TMEM135: variants seen among roughly 807,000 people sequenced by gnomAD.
TMEM135 encodes the protein transmembrane protein 135.
A neutral mutation model predicts 60.3 loss-of-function variants in TMEM135; 30 were observed. The ratio of observed to expected loss-of-function variants is 0.50; its 90% confidence interval spans 0.37 to 0.68. The LOEUF (loss-of-function observed/expected upper bound fraction) is 0.68, where lower values mean the gene tolerates loss of function less well. TMEM135 is among the 30% of genes least tolerant of loss of function. The pLI is 0.00. For missense variants in TMEM135, 468 were observed against 548.8 expected (o/e 0.85, Z 1.47); for synonymous variants, 190 against 186.7 (o/e 1.02, Z -0.14).
chr11:87,249,379 G>C (rs1321770714), intron 6 of TMEM135, among the ~76,000 whole-genome samples: 1 of 151,982 alleles, frequency 6.6e-6, no homozygotes, highest in Non-Finnish European at 1.5e-5. Context: ...TAGTTTATAT[G>C]ATGTATCACA....
At chr11:87,132,779 A>C (rs1673491311) in intron 4 of TMEM135, among the ~76,000 whole-genome samples, 1 of 152,034 alleles carries the variant, frequency 6.6e-6, no homozygotes, top group Non-Finnish European at 1.5e-5. Context: ...GGATGCTGGA[A>C]TTTGCAGATT....
intron 3 of TMEM135, among the ~76,000 whole-genome samples, chr11:87,085,716 C>T (rs751998302): frequency 2.2e-4 from 34 of 152,172 alleles, no homozygotes; most frequent in Non-Finnish European, 3.2e-4. Context: ...AAGATTGAAC[C>T]GCTGCACTCC....
chr11:87,103,345 T>C (rs956482244), intron 4 of TMEM135, among the ~76,000 whole-genome samples: 12 of 152,172 alleles, frequency 7.9e-5, no homozygotes, highest in African/African-American at 2.9e-4. Context: ...TTGCCAACAC[T>C]TTGTTATCTT....
chr11:87,299,846 A>C (rs1040028047), intron 7 of TMEM135, among the ~76,000 whole-genome samples: 2 of 152,240 alleles, frequency 1.3e-5, no homozygotes, highest in African/African-American at 4.8e-5. Context: ...GGAAATTTGC[A>C]CAAAATTACT....
intron 4 of TMEM135, among the ~76,000 whole-genome samples, chr11:87,138,391 C>G (rs12282966): frequency 0.13 from 19,516 of 152,064 alleles, 1,327 homozygotes; most frequent in Middle Eastern, 0.15. Flanking sequence ...GCGCCCAGCT[C>G]CAAATTGATT....
At chr11:87,252,770 T>C (rs1367421511) in intron 6 of TMEM135, among the ~76,000 whole-genome samples, 1 of 102,918 alleles carries the variant, frequency 9.7e-6, no homozygotes, top group Non-Finnish European at 2.0e-5. Flanking sequence ...GAACTAAATC[T>C]CAAAAAAAAA....
intron 6 of TMEM135, among the ~76,000 whole-genome samples, chr11:87,287,811 T>C (rs1942195324): frequency 6.6e-6 from 1 of 152,214 alleles, no homozygotes; most frequent in Non-Finnish European, 1.5e-5. Flanking sequence ...CAGATAGTTG[T>C]TTTGTGCCTC....
chr11:87,205,333 A>G (rs140624838), intron 5 of TMEM135, among the ~76,000 whole-genome samples: 2 of 152,330 alleles, frequency 1.3e-5, no homozygotes, highest in African/African-American at 4.8e-5. Context: ...GTAGGCAATA[A>G]GGAGCTACTG....
rs781264620 is a variant in TMEM135, at chr11:87,323,328, C to A, written c.*1995C>A. The stretch of plus-strand genomic sequence containing the variant: ...ATGAATGTATAGGTTGAGTGAATAA[C>A]CAATTTGCAGTGGTGGATTGAGAAG... On this transcript the variant is annotated 3_prime_UTR_variant, in exon 15 of 15. Transcript: ENST00000305494. 2.9e-5 allele frequency: 13 copies of A among 453,744 alleles called. No homozygotes were observed. Among genetic ancestry groups the A allele is most frequent in the South Asian group, 6.2e-5 (4 of 64,460 alleles). 28.1% of individuals were successfully genotyped at this position (453,744 alleles called of 1,614,324 possible).
At chr11:87,189,726 T>A (rs369419266) in intron 5 of TMEM135, among the ~76,000 whole-genome samples, 3 of 146,922 alleles carry the variant, frequency 2.0e-5, no homozygotes, top group African/African-American at 7.6e-5. Flanking sequence ...GAGACTAGCC[T>A]GGGCTCAACA....
chr11:87,322,878 T>A lies in TMEM135; in HGVS notation c.*1545T>A, dbSNP rs796118260. 68 of 454,446 alleles carry A rather than the reference T, an allele frequency of 1.5e-4. No individual in the cohort carries two copies. Among genetic ancestry groups the A allele is most frequent in the African/African-American group, 1.3e-3 (64 of 50,114 alleles). The allele number at this position is 454,446 out of a possible 1,614,324, so 28.2% of individuals were successfully genotyped here. On this transcript the variant is annotated 3_prime_UTR_variant, in exon 15 of 15. Coordinates refer to ENST00000305494, the MANE Select transcript of TMEM135 (RefSeq NM_022918.4). ...GATTAGCTTTGTAGAACTGACCTGT[T>A]TATTTGGCAATGCTGTTAAAGGATC...
intron 6 of TMEM135, among the ~76,000 whole-genome samples, chr11:87,281,952 G>A (rs1249301981): frequency 6.6e-6 from 1 of 152,150 alleles, no homozygotes; most frequent in Non-Finnish European, 1.5e-5. Context: ...TTTGTTAAAA[G>A]GCATTGACAT....
At chr11:87,202,487 G>A (rs1335881782) in intron 5 of TMEM135, among the ~76,000 whole-genome samples, 3 of 151,964 alleles carry the variant, frequency 2.0e-5, no homozygotes, top group African/African-American at 4.8e-5. Context: ...TACCGTGTCC[G>A]GTTAATGTAT....
rs12288952 is a variant in TMEM135, at chr11:87,310,688, A to G, written c.936+1016A>G. On this transcript the variant is annotated intron_variant, in intron 10 of 14. Coordinates refer to ENST00000305494, the MANE Select transcript of TMEM135 (RefSeq NM_022918.4). ...CAGAGGAATGACCATGTGAGGACAC[A>G]GGGAGAAGGTGGCCATCTGCTAGCC... Among the ~76,000 whole-genome samples, 1,477 of 152,062 alleles carry G rather than the reference A, an allele frequency of 9.7e-3. 27 individuals carry two copies. Among genetic ancestry groups the G allele is most frequent in the African/African-American group, 0.034 (1,418 of 41,496 alleles).
chr11:87,211,300 C>T (rs914162613), intron 5 of TMEM135, among the ~76,000 whole-genome samples: 10 of 152,188 alleles, frequency 6.6e-5, no homozygotes, highest in Non-Finnish European at 1.5e-4. Context: ...AACCCTTATA[C>T]AACTTCATAC....
intron 1 of TMEM135, among the ~76,000 whole-genome samples, chr11:87,064,760 T>C (rs749795212): frequency 1.3e-5 from 2 of 152,166 alleles, no homozygotes; most frequent in Non-Finnish European, 2.9e-5. Flanking sequence ...GGCCGGCGCC[T>C]GTAATCCCTG....
chr11:87,227,389 T>C (rs1011956159), intron 5 of TMEM135, among the ~76,000 whole-genome samples: 20 of 152,094 alleles, frequency 1.3e-4, no homozygotes, highest in African/African-American at 4.3e-4. Context: ...TTTCATCAAG[T>C]TTACAGTCTT....
rs1231588726 is a variant in TMEM135, at chr11:87,309,600, A to G, written c.864A>G (p.Leu288=). The change falls in exon 10 of 15, where the codon CTA becomes CTG. Residue 288 remains leucine, a synonymous_variant. Coordinates refer to ENST00000305494, the MANE Select transcript of TMEM135 (RefSeq NM_022918.4). ...ATCTGTTTACACAGCCATCTCGGCT[A>G]CTTTCTCTCTTCTACAATAAAGAAA... The part of the protein sequence containing the change: ...FRHLFTQPSR[L]LSLFYNKENF... The G allele has an allele frequency of 6.2e-7, 1 of 1,613,910 alleles. No individual in the cohort carries two copies. The highest frequency in any genetic ancestry group is 1.3e-5 in the African/African-American group (1 of 75,050).
At chr11:87,309,982 A>G (rs549303269) in intron 10 of TMEM135, among the ~76,000 whole-genome samples, 4 of 152,268 alleles carry the variant, frequency 2.6e-5, no homozygotes, top group East Asian at 1.9e-4. Flanking sequence ...GATATTTCCA[A>G]TATCAAAAAT....
Sources: allele counts gnomAD v4.1 joint callset (sites outside exome capture counted in the v4.1 genomes callset), GRCh38; gene constraint gnomAD v4.1.1; transcripts MANE v1.5; gene names NCBI Gene and HGNC (gene_info 2026-07-23, HGNC 2026-07-21).